The following SH3BGRL variants were observed in gnomAD, a reference collection of about 807,000 sequenced individuals.
The protein encoded by SH3BGRL is adapter SH3BGRL.
In SH3BGRL, 7 loss-of-function variants were observed where a neutral mutation model predicts 9.8. The observed-to-expected ratio is 0.72, with a 90% CI of 0.41 to 1.35. The LOEUF is 1.35. Ranked by LOEUF, SH3BGRL falls within the 40% of genes most tolerant of loss-of-function variation. The pLI, the probability that SH3BGRL is intolerant of heterozygous loss-of-function variation, is 0.01. For synonymous variants in SH3BGRL, 36 were observed against 29.1 expected (o/e 1.24, Z -0.76); for missense variants, 73 against 84.4 (o/e 0.86, Z 0.53).
chrX:81,220,160 T>C (rs1313499867), intron 1 of SH3BGRL, among the ~76,000 whole-genome samples: 2 of 111,467 alleles, frequency 1.8e-5, no homozygotes, highest in African/African-American at 6.5e-5. Flanking sequence ...ATTTCCTCCT[T>C]CTTTTCTGCT....
At chrX:81,233,297 G>C (rs947266898) in intron 1 of SH3BGRL, among the ~76,000 whole-genome samples, 2 of 111,999 alleles carry the variant, frequency 1.8e-5, no homozygotes, top group African/African-American at 3.2e-5. Flanking sequence ...TCTATAGATA[G>C]TGCTTTGCAT....
intron 1 of SH3BGRL, among the ~76,000 whole-genome samples, chrX:81,264,901 A>G (rs766998557): frequency 9.0e-5 from 10 of 111,306 alleles, no homozygotes; most frequent in Non-Finnish European, 1.9e-4. Flanking sequence ...AGAAAAAAGT[A>G]TAGACAGATA....
chrX:81,284,610 A>G (rs966789357), intron 3 of SH3BGRL, among the ~76,000 whole-genome samples: 3 of 110,692 alleles, frequency 2.7e-5, no homozygotes, highest in African/African-American at 9.8e-5. Context: ...GGATGAAATT[A>G]GGAGAAAGGA....
chrX:81,230,737 A>T (rs2075630501), intron 1 of SH3BGRL, among the ~76,000 whole-genome samples: 1 of 111,551 alleles, frequency 9.0e-6, no homozygotes, highest in Admixed American at 9.5e-5. Context: ...TGGTGGTGGT[A>T]TGACTGGCAC....
At chrX:81,219,656 T>C (rs1291880963) in intron 1 of SH3BGRL, among the ~76,000 whole-genome samples, 1 of 111,802 alleles carries the variant, frequency 8.9e-6, no homozygotes, top group Non-Finnish European at 1.9e-5. Context: ...TTTAGTAGTA[T>C]GTTGAATAAC....
intron 1 of SH3BGRL, among the ~76,000 whole-genome samples, chrX:81,253,879 G>C (rs2075717964): frequency 9.0e-6 from 1 of 111,685 alleles, no homozygotes; most frequent in Admixed American, 9.5e-5. Flanking sequence ...GGGTAGATTT[G>C]CTTACTGTCC....
At chrX:81,217,546 G>A (rs189871547) in intron 1 of SH3BGRL, among the ~76,000 whole-genome samples, 212 of 111,481 alleles carry the variant, frequency 1.9e-3, no homozygotes, top group Middle Eastern at 9.3e-3. Context: ...TAATTTTCAT[G>A]TATTTGTATA....
intron 1 of SH3BGRL, among the ~76,000 whole-genome samples, chrX:81,249,051 T>A: frequency 8.9e-6 from 1 of 112,253 alleles, no homozygotes; most frequent in Admixed American, 9.4e-5. Context: ...AGTTTATCTA[T>A]ATGCACTATG....
chrX:81,215,949 G>A (rs1265507219), intron 1 of SH3BGRL, among the ~76,000 whole-genome samples: 6 of 111,619 alleles, frequency 5.4e-5, no homozygotes, highest in African/African-American at 1.6e-4. Flanking sequence ...TGGCTTCATT[G>A]TCTGTTTCTA....
chrX:81,232,419 GATGATGATGATGATA>G (rs1439247471), intron 1 of SH3BGRL, among the ~76,000 whole-genome samples: 1 of 110,019 alleles, frequency 9.1e-6, no homozygotes, highest in Non-Finnish European at 1.9e-5. Flanking sequence ...TGATGATGAT[GATGATGATGATGATA>G]AGGAAGATGA....
At chrX:81,285,708 T>A (rs1214269372) in intron 3 of SH3BGRL, among the ~76,000 whole-genome samples, 1 of 111,897 alleles carries the variant, frequency 8.9e-6, no homozygotes, top group Non-Finnish European at 1.9e-5. Flanking sequence ...TAGTTAAGTA[T>A]CTAACGATAG....
intron 1 of SH3BGRL, among the ~76,000 whole-genome samples, chrX:81,273,465 A>G (rs1030672557): frequency 7.1e-5 from 8 of 112,333 alleles, no homozygotes; most frequent in African/African-American, 2.6e-4. Context: ...AGAGAGTCTA[A>G]CAAAGTTCAT....
chrX:81,210,317 T>C (rs1044353175), intron 1 of SH3BGRL, among the ~76,000 whole-genome samples: 2 of 111,609 alleles, frequency 1.8e-5, no homozygotes, highest in African/African-American at 6.5e-5. Flanking sequence ...AATATATATT[T>C]AATAGTAGTT....
chrX:81,224,985 AGGTGAT>A (rs1474518904), intron 1 of SH3BGRL, among the ~76,000 whole-genome samples: 4 of 110,700 alleles, frequency 3.6e-5, no homozygotes, highest in African/African-American at 1.3e-4. Context: ...TCTAAAAAAA[AGGTGAT>A]GGTTCAGATA....
rs1222848979 is a variant in SH3BGRL at position 81,279,608 on chromosome X, T to C, written c.312+1197T>C. 2.7e-5 allele frequency among the ~76,000 whole-genome samples: 3 copies of C among 111,072 alleles called. No individual in the cohort carries two copies. The East Asian group carries it at 8.6e-4, about 32-fold the overall frequency. ...TCTGTTTGCGGGAGAAGTTTCCAAC[T>C]TTACCTGGAGCTGAGTCAAGTTAGA... On this transcript the variant is annotated intron_variant, in intron 3 of 3. Transcript: ENST00000373212.
intron 1 of SH3BGRL, among the ~76,000 whole-genome samples, chrX:81,232,399 A>G (rs2075635759): frequency 1.0e-5 from 1 of 96,042 alleles, no homozygotes; most frequent in Non-Finnish European, 2.1e-5. Context: ...TGAATTAGTG[A>G]TGATGATGAT....
intron 1 of SH3BGRL, among the ~76,000 whole-genome samples, chrX:81,205,429 A>AATATTTT (rs1332456564): frequency 9.6e-6 from 1 of 104,708 alleles, no homozygotes; most frequent in African/African-American, 3.4e-5. Flanking sequence ...ATGGCTGAAT[A>AATATTTT]ATATTTTATT....
chrX:81,255,195 C>G (rs924111857), intron 1 of SH3BGRL, among the ~76,000 whole-genome samples: 1 of 111,693 alleles, frequency 9.0e-6, no homozygotes, highest in African/African-American at 3.3e-5. Context: ...GCCACAAATT[C>G]TTTTAAAAAG....
intron 1 of SH3BGRL, among the ~76,000 whole-genome samples, chrX:81,222,750 T>G (rs2075604062): frequency 8.9e-6 from 1 of 111,744 alleles, no homozygotes; most frequent in African/African-American, 3.3e-5. Context: ...ATCGCCACAC[T>G]GACTTCCACA....
Sources: allele counts gnomAD v4.1 joint callset (sites outside exome capture counted in the v4.1 genomes callset), GRCh38; gene constraint gnomAD v4.1.1; transcripts MANE v1.5; gene names NCBI Gene and HGNC (gene_info 2026-07-23, HGNC 2026-07-21).